Variants in SMYD3 observed in about 807,000 individuals in gnomAD.
SMYD3 encodes the protein SET and MYND domain containing 3.
In SMYD3, 36 loss-of-function variants were observed where a neutral mutation model predicts 57.7. The ratio of observed to expected loss-of-function variants is 0.62; its 90% CI spans 0.48 to 0.82. The LOEUF (loss-of-function observed/expected upper bound fraction) is 0.82, where lower values mean the gene tolerates loss of function less well. Ranked by LOEUF, SMYD3 falls within the 40% of genes least tolerant of loss-of-function variation. The pLI is 0.00. For synonymous variants in SMYD3, 211 were observed against 195.0 expected, an observed-to-expected ratio of 1.08 and a Z score of -0.68; for missense variants, 515 against 538.8, an observed-to-expected ratio of 0.96 and a Z score of 0.44.
chr1:246,077,092 G>T, intron 5 of SMYD3, among the ~76,000 whole-genome samples: 1 of 152,166 alleles, frequency 6.6e-6, no homozygotes, highest in Admixed American at 6.5e-5. Flanking sequence ...TCAGGGAAAG[G>T]TGACTGGCTC....
At chr1:246,497,597 A>G (rs1254508804) in intron 1 of SMYD3, among the ~76,000 whole-genome samples, 1 of 152,270 alleles carries the variant, frequency 6.6e-6, no homozygotes, top group East Asian at 1.9e-4. Flanking sequence ...AGATGGTAGC[A>G]TATACAGTTA....
intron 5 of SMYD3, among the ~76,000 whole-genome samples, chr1:245,935,240 C>CA (rs562261998): frequency 2.3e-4 from 35 of 152,250 alleles, no homozygotes; most frequent in Non-Finnish European, 3.8e-4. Flanking sequence ...TTAAAATGGG[C>CA]AAAGGATTTG....
chr1:246,143,067 C>CA (rs2061783555), intron 5 of SMYD3, among the ~76,000 whole-genome samples: 1 of 151,302 alleles, frequency 6.6e-6, no homozygotes, highest in Admixed American at 6.6e-5. Flanking sequence ...AATTAACAGG[C>CA]AAAAAAGCTA....
At chr1:246,492,403 T>A (rs1368388064) in intron 1 of SMYD3, among the ~76,000 whole-genome samples, 1 of 152,116 alleles carries the variant, frequency 6.6e-6, no homozygotes, top group Non-Finnish European at 1.5e-5. Context: ...AGAACGCCGA[T>A]GGCTCCTGAC....
chr1:245,892,087 T>C (rs2053421902), intron 8 of SMYD3, among the ~76,000 whole-genome samples: 1 of 151,740 alleles, frequency 6.6e-6, no homozygotes, highest in South Asian at 2.1e-4. Context: ...CAGTGACCAC[T>C]GGAACCAAAC....
intron 5 of SMYD3, among the ~76,000 whole-genome samples, chr1:245,993,599 T>TAGATAGAA (rs200823571): frequency 2.2e-5 from 1 of 45,672 alleles, no homozygotes; most frequent in African/African-American, 5.0e-5. Context: ...GATAGATAGA[T>TAGATAGAA]AGATAGATAG....
chr1:246,304,902 T>C (rs1211827600), intron 5 of SMYD3, among the ~76,000 whole-genome samples: 2 of 152,230 alleles, frequency 1.3e-5, no homozygotes, highest in African/African-American at 4.8e-5. Flanking sequence ...ACTTTCATCT[T>C]TGTTGAGATT....
chr1:246,345,442 C>T (rs1254083433), intron 2 of SMYD3, among the ~76,000 whole-genome samples: 2 of 152,114 alleles, frequency 1.3e-5, no homozygotes, highest in Non-Finnish European at 2.9e-5. Flanking sequence ...TACCTGGGAC[C>T]AGAAGTGCTT....
chr1:246,507,014 C>G, intron 1 of SMYD3, 40 bp downstream of exon 1: 6 of 1,392,180 alleles, frequency 4.3e-6, no homozygotes, highest in Non-Finnish European at 5.7e-6. Context: ...GCACCCCACA[C>G]AGCTCGCGAC....
chr1:246,127,589 G>A (rs1262645731), intron 5 of SMYD3, among the ~76,000 whole-genome samples: 2 of 152,106 alleles, frequency 1.3e-5, no homozygotes, highest in African/African-American at 4.8e-5. Context: ...TCACTGCAGT[G>A]GAAATGAGTG....
At chr1:245,825,218 T>C (rs1308282060) in intron 10 of SMYD3, among the ~76,000 whole-genome samples, 1 of 152,152 alleles carries the variant, frequency 6.6e-6, no homozygotes, top group African/African-American at 2.4e-5. Context: ...CCAGCGTGTG[T>C]CAGCCATCAC....
intron 10 of SMYD3, among the ~76,000 whole-genome samples, chr1:245,765,077 C>CACACACACACACAAAAAAAAAAAAAA (rs554434672): frequency 2.3e-5 from 3 of 128,432 alleles, no homozygotes; most frequent in South Asian, 4.6e-4. Flanking sequence ...CACACACACA[C>CACACACACACACAAAAAAAAAAAAAA]AAAACCACAG....
intron 5 of SMYD3, among the ~76,000 whole-genome samples, chr1:246,293,064 G>C (rs1035543525): frequency 2.0e-5 from 3 of 151,898 alleles, no homozygotes; most frequent in African/African-American, 7.3e-5. Context: ...ACAACAACTA[G>C]ATCATGTATG....
chr1:246,491,516 G>A (rs548662168), intron 1 of SMYD3, among the ~76,000 whole-genome samples: 204 of 150,228 alleles, frequency 1.4e-3, no homozygotes, highest in Non-Finnish European at 2.4e-3. Flanking sequence ...CTCCAGCCTC[G>A]GCAACAAGAG....
chr1:245,809,808 G>C (rs1293660033), intron 10 of SMYD3, among the ~76,000 whole-genome samples: 1 of 152,220 alleles, frequency 6.6e-6, no homozygotes, highest in Non-Finnish European at 1.5e-5. Flanking sequence ...CAGAACTGCA[G>C]ACTGGTGGCA....
chr1:246,165,649 G>C (rs2062196127), intron 5 of SMYD3, among the ~76,000 whole-genome samples: 1 of 152,102 alleles, frequency 6.6e-6, no homozygotes, highest in African/African-American at 2.4e-5. Flanking sequence ...CAGCTGAAGA[G>C]GCCACCATGT....
chr1:246,046,656 A>G (rs1263976480), intron 5 of SMYD3, among the ~76,000 whole-genome samples: 2 of 147,556 alleles, frequency 1.4e-5, no homozygotes, highest in South Asian at 4.2e-4. Context: ...TATATATTTT[A>G]TATATTTTTT....
chr1:246,083,114 T>G (rs1207279155), intron 5 of SMYD3, among the ~76,000 whole-genome samples: 2 of 151,758 alleles, frequency 1.3e-5, no homozygotes, highest in African/African-American at 4.9e-5. Context: ...AAAGGGTCTG[T>G]GCTGAGGAGG....
chr1:246,070,164 CA>C (rs2060418260), intron 5 of SMYD3, among the ~76,000 whole-genome samples: 2 of 152,274 alleles, frequency 1.3e-5, no homozygotes, highest in Middle Eastern at 3.4e-3. Flanking sequence ...TGGGAACTGG[CA>C]ATTTCTAAAC....
Sources: gnomAD v4.1 joint callset for allele counts (sites outside exome capture counted in the v4.1 genomes callset) on GRCh38, gnomAD v4.1.1 for gene constraint, MANE v1.5 for transcripts, NCBI Gene and HGNC (gene_info 2026-07-23, HGNC 2026-07-21) for gene names.